The following C10orf90 variants were observed in gnomAD, a reference collection of about 807,000 sequenced individuals.
The protein encoded by C10orf90 is (E2-independent) E3 ubiquitin-conjugating enzyme FATS.
C10orf90 carries 56 observed loss-of-function variants against 62.5 expected under a neutral mutation model. The observed-to-expected ratio is 0.90, with a 90% CI of 0.72 to 1.12. C10orf90 has a LOEUF of 1.12. Ranked by LOEUF, C10orf90 falls within the 50% of genes most tolerant of loss-of-function variation. C10orf90 has a pLI of 0.00. For missense variants in C10orf90, 970 were observed against 880.4 expected (o/e 1.10, Z -1.29); for synonymous variants, 386 against 340.4 (o/e 1.13, Z -1.47).
intron 2 of C10orf90, among the ~76,000 whole-genome samples, chr10:126,608,018 G>C (rs1219351026): frequency 1.3e-5 from 2 of 152,186 alleles, no homozygotes; most frequent in African/African-American, 4.8e-5. Context: ...CATGAATGTA[G>C]AGTTTTAGTT....
intron 2 of C10orf90, among the ~76,000 whole-genome samples, chr10:126,636,160 A>G (rs765721706): frequency 5.3e-5 from 8 of 152,126 alleles, no homozygotes; most frequent in Non-Finnish European, 8.8e-5. Context: ...CAGAAATACA[A>G]TTTGCAGCAG....
chr10:126,471,333 C>T (rs1860576169), intron 4 of C10orf90, among the ~76,000 whole-genome samples: 1 of 152,204 alleles, frequency 6.6e-6, no homozygotes, highest in Admixed American at 6.5e-5. Context: ...AGACTTCCTA[C>T]AAATGCCTTT....
Position 126,477,227 on chromosome 10 carries a change from G to A in C10orf90, c.1535-12241C>T, listed in dbSNP as rs572204964. 4.0e-5 allele frequency among the ~76,000 whole-genome samples: 6 copies of A among 149,930 alleles called. No individual in the cohort carries two copies. In the East Asian group the frequency reaches 9.8e-4, roughly 25 times the overall value. On this transcript the variant is annotated intron_variant, in intron 4 of 9. Transcript: ENST00000488181. ...GCTCACACCACTGGCTATGAATTATGTGGAATGACTGTGGGATGTGCACAA... is the reference window on the plus strand; with the variant it reads ...GCTCACACCACTGGCTATGAATTATATGGAATGACTGTGGGATGTGCACAA...
intron 2 of C10orf90, among the ~76,000 whole-genome samples, chr10:126,632,960 T>C (rs1342844894): frequency 2.6e-5 from 4 of 152,166 alleles, no homozygotes; most frequent in Admixed American, 2.0e-4. Flanking sequence ...ATGCTTGTTG[T>C]TCCATAAGCC....
At chr10:126,614,433 G>T (rs578084679) in intron 2 of C10orf90, among the ~76,000 whole-genome samples, 1 of 152,258 alleles carries the variant, frequency 6.6e-6, no homozygotes, top group Admixed American at 6.5e-5. Context: ...CAGGGTTAGA[G>T]AAAAGCATTA....
At position 126,635,646 on chromosome 10, in the gene C10orf90, C is replaced by T. The variant is rs114668823; in HGVS notation, c.313+10919G>A. On this transcript the variant is annotated intron_variant, in intron 2 of 9. Transcript: ENST00000488181. ...GTGTCACTCATATGGTCTGCACTCC[C>T]CTCCCAGACCTGCGGACAGTAGTTT... is the stretch of plus-strand genomic sequence containing the variant. 4.7e-3 allele frequency among the ~76,000 whole-genome samples: 718 copies of T among 152,284 alleles called. 5 individuals carry two copies. The highest frequency in any genetic ancestry group is 0.017 in the African/African-American group (687 of 41,556).
At chr10:126,650,304 G>A (rs928701962) in intron 1 of C10orf90, among the ~76,000 whole-genome samples, 2 of 152,074 alleles carry the variant, frequency 1.3e-5, no homozygotes, top group East Asian at 1.9e-4. Flanking sequence ...GAATGGAAAC[G>A]GTAGTTTACC....
intron 7 of C10orf90, among the ~76,000 whole-genome samples, chr10:126,443,949 A>G (rs985286787): frequency 5.9e-5 from 9 of 152,162 alleles, no homozygotes; most frequent in East Asian, 3.8e-4. Context: ...TAGAAGCAGA[A>G]AAAGCTTTTG....
At chr10:126,470,762 A>C (rs11244993) in intron 4 of C10orf90, among the ~76,000 whole-genome samples, 1 of 150,952 alleles carries the variant, frequency 6.6e-6, no homozygotes, top group Non-Finnish European at 1.5e-5. Context: ...AAAAAAAAAA[A>C]ATACAGAAAG....
intron 2 of C10orf90, among the ~76,000 whole-genome samples, chr10:126,539,264 G>T (rs535562766): frequency 6.6e-6 from 1 of 152,210 alleles, no homozygotes; most frequent in African/African-American, 2.4e-5. Flanking sequence ...TGGAATCCAT[G>T]CTAGGGTTCT....
chr10:126,568,755 G>A (rs1453109572), intron 2 of C10orf90, among the ~76,000 whole-genome samples: 1 of 152,126 alleles, frequency 6.6e-6, no homozygotes, highest in Non-Finnish European at 1.5e-5. Context: ...GCTCAGAGTG[G>A]GGAAGCCAAG....
At chr10:126,597,117 A>G (rs956609445) in intron 2 of C10orf90, among the ~76,000 whole-genome samples, 2 of 152,352 alleles carry the variant, frequency 1.3e-5, no homozygotes, top group African/African-American at 4.8e-5. Flanking sequence ...GTGAAGTAAT[A>G]CAGTTCACTT....
intron 2 of C10orf90, among the ~76,000 whole-genome samples, chr10:126,542,359 T>C (rs774484631): frequency 1.3e-5 from 2 of 151,866 alleles, no homozygotes; most frequent in Admixed American, 1.3e-4. Flanking sequence ...AAAAATTAGC[T>C]GGGTGTGGTG....
chr10:126,428,850 A>G (rs1857410031), intron 8 of C10orf90, among the ~76,000 whole-genome samples: 1 of 152,142 alleles, frequency 6.6e-6, no homozygotes, highest in Non-Finnish European at 1.5e-5. Context: ...TTAGAATGCT[A>G]CGAATCAGGT....
intron 7 of C10orf90, among the ~76,000 whole-genome samples, chr10:126,447,463 T>A (rs1858860652): frequency 6.6e-6 from 1 of 151,856 alleles, no homozygotes; most frequent in Non-Finnish European, 1.5e-5. Flanking sequence ...GATAAAGGGG[T>A]CAATTCATCA....
chr10:126,655,585 T>C (rs1271450113), intron 1 of C10orf90, among the ~76,000 whole-genome samples: 1 of 152,100 alleles, frequency 6.6e-6, no homozygotes, highest in Non-Finnish European at 1.5e-5. Context: ...GAGCTGATGA[T>C]TCTAGAACTG....
At chr10:126,530,658 A>C (rs1202740022) in intron 2 of C10orf90, among the ~76,000 whole-genome samples, 1 of 152,160 alleles carries the variant, frequency 6.6e-6, no homozygotes, top group Non-Finnish European at 1.5e-5. Flanking sequence ...GGATAGAATA[A>C]GATAGAATGA....
At chr10:126,603,749 A>G (rs1371912069) in intron 2 of C10orf90, among the ~76,000 whole-genome samples, 1 of 151,952 alleles carries the variant, frequency 6.6e-6, no homozygotes, top group Non-Finnish European at 1.5e-5. Flanking sequence ...GTGATAGGGA[A>G]CCTCTGTCTA....
rs1043460280 is a variant in C10orf90 at position 126,555,781 on chromosome 10, G to C, written c.314-41842C>G. Among the ~76,000 whole-genome samples the C allele has an allele frequency of 2.0e-5, 3 of 152,044 alleles. No homozygotes were observed. The East Asian group carries it at 5.8e-4, about 29-fold the overall frequency. The stretch of plus-strand genomic sequence containing the variant: ...AATTTACACTTGGGTCAATGCGAGT[G>C]GAGTCAGCATCAGATAGAAATGCTG... On this transcript the variant is annotated intron_variant, in intron 2 of 9. Coordinates refer to ENST00000488181, the MANE Select transcript of C10orf90 (RefSeq NM_001350921.2).
Sources: gnomAD v4.1 joint callset for allele counts (sites outside exome capture counted in the v4.1 genomes callset) on GRCh38, gnomAD v4.1.1 for gene constraint, MANE v1.5 for transcripts, NCBI Gene and HGNC (gene_info 2026-07-23, HGNC 2026-07-21) for gene names.